Variants in BMP7 observed in about 807,000 individuals in gnomAD.
The protein encoded by BMP7 is bone morphogenetic protein 7, also known as osteogenic protein 1.
BMP7 carries 12 observed loss-of-function variants against 41.2 expected under a neutral mutation model. That is an observed-to-expected ratio of 0.29 (90% CI 0.19 to 0.47). The LOEUF (loss-of-function observed/expected upper bound fraction) is 0.47, where lower values mean the gene tolerates loss of function less well. Ranked by LOEUF, BMP7 falls within the 20% of genes least tolerant of loss-of-function variation. BMP7 has a pLI of 0.99. For missense variants in BMP7, 467 were observed against 606.0 expected (o/e 0.77, Z 2.41); for synonymous variants, 248 against 250.0 (o/e 0.99, Z 0.07).
At chr20:57,227,276 G>A (rs993425892) in intron 2 of BMP7, among the ~76,000 whole-genome samples, 4 of 152,080 alleles carry the variant, frequency 2.6e-5, no homozygotes, top group African/African-American at 7.2e-5. Context: ...TTACAGATAA[G>A]CCACCACTTC....
intron 1 of BMP7, among the ~76,000 whole-genome samples, chr20:57,260,274 T>C (rs2066148887): frequency 6.6e-6 from 1 of 152,164 alleles, no homozygotes. Flanking sequence ...GTTTTTGACC[T>C]GCAATAGAAA....
At chr20:57,203,654 C>T (rs1480794462) in intron 2 of BMP7, among the ~76,000 whole-genome samples, 1 of 152,218 alleles carries the variant, frequency 6.6e-6, no homozygotes, top group Non-Finnish European at 1.5e-5. Context: ...ATCTTCATAA[C>T]ATTTCTTGCA....
rs554784830 is a variant in BMP7 at position 57,224,355 on chromosome 20, A to T, written c.611+3874T>A. Among the ~76,000 whole-genome samples, 11 of 152,268 alleles carry T rather than the reference A, an allele frequency of 7.2e-5. No homozygotes were observed. Among genetic ancestry groups the T allele is most frequent in the Non-Finnish European group, 1.5e-4 (10 of 67,998 alleles). On this transcript the variant is annotated intron_variant, in intron 2 of 6. Transcript: ENST00000395863. The surrounding 1 kb of genome is among the most constrained non-coding windows in gnomAD (Gnocchi z 4.8). ...GTGGCGGCCGACTCCCTTGGAGCAG[A>T]TTCTGCTGCCCTGGCTGGCCTTGGC...
intron 2 of BMP7, among the ~76,000 whole-genome samples, chr20:57,216,605 C>T (rs138595506): frequency 7.6e-5 from 11 of 144,118 alleles, no homozygotes; most frequent in African/African-American, 2.6e-4. Context: ...GGGCTGTCTC[C>T]TGAGGGTGAG....
In BMP7 at chr20:57,184,454, C is replaced by T. The variant is rs372430827; in HGVS notation, c.761-535G>A. Reference sequence around the variant, plus strand: ...AGAGGGAACTGCAGAGGTGAATGCCCGGAGGCAGGAGCAAGGAGGGTGTGT... The same window carrying T: ...AGAGGGAACTGCAGAGGTGAATGCCTGGAGGCAGGAGCAAGGAGGGTGTGT... On this transcript the variant is annotated intron_variant, in intron 3 of 6. Transcript: ENST00000395863. Among the ~76,000 whole-genome samples the T allele has an allele frequency of 5.9e-5, 9 of 152,064 alleles. No individual in the cohort carries two copies. In the East Asian group the frequency reaches 1.2e-3, roughly 20 times the overall value.
At chr20:57,221,834 A>T (rs1985197076) in intron 2 of BMP7, among the ~76,000 whole-genome samples, 1 of 136,502 alleles carries the variant, frequency 7.3e-6, no homozygotes, top group Non-Finnish European at 1.6e-5. Flanking sequence ...AAAAAAAAAA[A>T]GAGGGGTGGG....
chr20:57,204,283 T>C (rs1984686547), intron 2 of BMP7, among the ~76,000 whole-genome samples: 1 of 152,200 alleles, frequency 6.6e-6, no homozygotes, highest in African/African-American at 2.4e-5. Context: ...CTCTCCGTAC[T>C]AACACTGCAG....
intron 2 of BMP7, among the ~76,000 whole-genome samples, chr20:57,211,309 G>C (rs1051135957): frequency 1.3e-5 from 2 of 152,222 alleles, no homozygotes; most frequent in Admixed American, 6.5e-5. Flanking sequence ...CCTCTGCTGG[G>C]AGCAACAGGC....
intron 3 of BMP7, among the ~76,000 whole-genome samples, chr20:57,199,469 C>T (rs1299737477): frequency 2.0e-5 from 3 of 152,156 alleles, no homozygotes; most frequent in Non-Finnish European, 4.4e-5. Context: ...ATGATTTGCC[C>T]ACGGAAACAA....
chr20:57,194,931 G>A lies in BMP7; in HGVS notation c.760+7544C>T, dbSNP rs142915024. Among the ~76,000 whole-genome samples, 120 of 152,338 alleles carry A rather than the reference G, an allele frequency of 7.9e-4. No individual in the cohort carries two copies. The South Asian group carries it at 9.1e-3, about 12-fold the overall frequency. On this transcript the variant is annotated intron_variant, in intron 3 of 6. Coordinates refer to ENST00000395863, the MANE Select transcript of BMP7 (RefSeq NM_001719.3). The stretch of plus-strand genomic sequence containing the variant: ...AGGGAAAAGGATCCCCCAAAATTCA[G>A]AGAGACTGCCCAGGCATAGATGTAG...
chr20:57,209,238 T>TA, intron 2 of BMP7, among the ~76,000 whole-genome samples: 1 of 82,538 alleles, frequency 1.2e-5, no homozygotes. Context: ...AATACCTAGA[T>TA]TTATATATTT....
intron 3 of BMP7, among the ~76,000 whole-genome samples, chr20:57,199,258 C>A (rs1364290226): frequency 6.6e-6 from 1 of 152,140 alleles, no homozygotes; most frequent in African/African-American, 2.4e-5. Flanking sequence ...ACCCAGAACC[C>A]GAGGGGTACC....
rs1192500635 is a variant in BMP7, at chr20:57,209,757, A to G, written c.612-7134T>C. Among the ~76,000 whole-genome samples, 4 of 152,366 alleles carry G rather than the reference A, an allele frequency of 2.6e-5. No individual in the cohort carries two copies. In the East Asian group the frequency reaches 7.7e-4, roughly 29 times the overall value. On this transcript the variant is annotated intron_variant, in intron 2 of 6. Transcript: ENST00000395863. ...AGCTGCATGAAACATTTACACGCATACACACCAGAGTGGTAGCAACAATTC... is the reference window on the plus strand; with the variant it reads ...AGCTGCATGAAACATTTACACGCATGCACACCAGAGTGGTAGCAACAATTC...
intron 1 of BMP7, among the ~76,000 whole-genome samples, chr20:57,249,274 T>G (rs1429757143): frequency 6.6e-6 from 1 of 151,914 alleles, no homozygotes; most frequent in African/African-American, 2.4e-5. Flanking sequence ...ATACCAAACT[T>G]CTTACCTTCT....
intron 2 of BMP7, among the ~76,000 whole-genome samples, chr20:57,206,675 T>C (rs561481256): frequency 6.6e-6 from 1 of 152,224 alleles, no homozygotes. Flanking sequence ...TTTCCTCTTA[T>C]GTAAAATGAG....
At chr20:57,246,988 C>CA (rs10625549) in intron 1 of BMP7, among the ~76,000 whole-genome samples, 55,322 of 150,856 alleles carry the variant, frequency 0.37, 11,180 homozygotes, top group African/African-American at 0.54. Context: ...GACTCCATCT[C>CA]AAAAAAAAAC....
intron 1 of BMP7, among the ~76,000 whole-genome samples, chr20:57,258,575 A>G (rs1189393595): frequency 6.6e-6 from 1 of 152,256 alleles, no homozygotes; most frequent in African/African-American, 2.4e-5. Flanking sequence ...AAAGTTGCAA[A>G]GGCACTACAG....
At position 57,170,309 on chromosome 20, in the gene BMP7, A is replaced by G. The variant is rs960598997; in HGVS notation, c.*650T>C. ...GCAGACATTTGCTCTTTCCCCTCCC[A>G]CTAGATCTTGGATTTGGGCAAACCT... On this transcript the variant is annotated 3_prime_UTR_variant, in exon 7 of 7. Coordinates refer to ENST00000395863, the MANE Select transcript of BMP7 (RefSeq NM_001719.3). 3 of 160,590 alleles carry G rather than the reference A, an allele frequency of 1.9e-5. No homozygotes were observed. Among genetic ancestry groups the G allele is most frequent in the African/African-American group, 7.2e-5 (3 of 41,486 alleles). 9.9% of individuals were successfully genotyped at this position (160,590 alleles called of 1,614,324 possible). A position where few individuals can be genotyped will look rare whatever the true frequency, so the allele number is the denominator to read the frequency against.
chr20:57,202,342 G>T, intron 3 of BMP7, 133 bp downstream of exon 3: 1 of 1,252,474 alleles, frequency 8.0e-7, no homozygotes, highest in Non-Finnish European at 1.1e-6. Flanking sequence ...GGATCAAAAG[G>T]CTGAACATGG....
Sources: gnomAD v4.1 joint callset for allele counts (sites outside exome capture counted in the v4.1 genomes callset) on GRCh38, gnomAD v4.1.1 for gene constraint, Gnocchi (gnomAD v3.1) non-coding constraint, MANE v1.5 for transcripts, NCBI Gene and HGNC (gene_info 2026-07-23, HGNC 2026-07-21) for gene names.